AGBL1: variants seen among roughly 807,000 people sequenced by gnomAD.
AGBL1 encodes the protein AGBL carboxypeptidase 1.
AGBL1 carries 130 observed loss-of-function variants against 118.9 expected under a neutral mutation model. The observed-to-expected ratio is 1.09, with a 90% CI of 0.95 to 1.26. The LOEUF (loss-of-function observed/expected upper bound fraction) is 1.26. AGBL1 is among the 50% of genes most tolerant of loss of function. AGBL1 has a pLI of 0.00. For missense variants in AGBL1, 1,584 were observed against 1,298.1 expected (o/e 1.22, Z -3.38); for synonymous variants, 555 against 478.9 (o/e 1.16, Z -2.08).
At chr15:86,261,051 G>A (rs949454655) in intron 9 of AGBL1, among the ~76,000 whole-genome samples, 9 of 152,196 alleles carry the variant, frequency 5.9e-5, no homozygotes, top group African/African-American at 1.9e-4. Flanking sequence ...TCAAATGAAT[G>A]GGTGTGGCTC....
intron 7 of AGBL1, among the ~76,000 whole-genome samples, chr15:86,253,081 A>C (rs76420516): frequency 0.018 from 2,670 of 152,218 alleles, 48 homozygotes; most frequent in East Asian, 0.068. Flanking sequence ...AAAGACCCTC[A>C]GGTGGGGGAG....
chr15:86,641,234 A>G (rs2142468120), intron 21 of AGBL1, among the ~76,000 whole-genome samples: 1 of 152,246 alleles, frequency 6.6e-6, no homozygotes, highest in South Asian at 2.1e-4. Context: ...CTAGTGTACT[A>G]TATTGAACTA....
intron 22 of AGBL1, among the ~76,000 whole-genome samples, chr15:86,723,080 G>C (rs1416815605): frequency 6.6e-6 from 1 of 152,208 alleles, no homozygotes; most frequent in Non-Finnish European, 1.5e-5. Flanking sequence ...TTCAACCATT[G>C]TGGAAGTCAG....
At chr15:86,976,601 C>T (rs1037051713) in intron 23 of AGBL1, among the ~76,000 whole-genome samples, 3 of 151,854 alleles carry the variant, frequency 2.0e-5, no homozygotes, top group Non-Finnish European at 4.4e-5. Flanking sequence ...ATTCATACTG[C>T]CAAATTGTCT....
intron 24 of AGBL1, among the ~76,000 whole-genome samples, chr15:87,010,579 A>G (rs2081548785): frequency 6.6e-6 from 1 of 152,158 alleles, no homozygotes; most frequent in South Asian, 2.1e-4. Flanking sequence ...ACACAACTAC[A>G]GGTTCTCTGG....
At chr15:86,285,458 A>C (rs1488649645) in intron 16 of AGBL1, among the ~76,000 whole-genome samples, 1 of 152,116 alleles carries the variant, frequency 6.6e-6, no homozygotes, top group Non-Finnish European at 1.5e-5. Context: ...TGTTCTCATG[A>C]TAGTGAATAA....
intron 22 of AGBL1, among the ~76,000 whole-genome samples, chr15:86,832,224 G>C (rs957991580): frequency 6.6e-6 from 1 of 152,214 alleles, no homozygotes; most frequent in African/African-American, 2.4e-5. Flanking sequence ...ATGCCCTGGA[G>C]ACATTTTTCC....
chr15:86,564,258 G>T (rs112898364), intron 21 of AGBL1, among the ~76,000 whole-genome samples: 3 of 152,328 alleles, frequency 2.0e-5, no homozygotes, highest in African/African-American at 7.2e-5. Flanking sequence ...CGTTTTTGCA[G>T]TGGCTGGTAC....
At chr15:86,407,233 G>A (rs555262314) in intron 18 of AGBL1, among the ~76,000 whole-genome samples, 5 of 152,188 alleles carry the variant, frequency 3.3e-5, no homozygotes, top group African/African-American at 9.6e-5. Context: ...TTTGCAGACC[G>A]AAAAATGAAA....
Position 86,522,838 on chromosome 15 carries a change from T to G in AGBL1, c.2584T>G (p.Leu862Val). The G allele has an allele frequency of 6.2e-7, 1 of 1,613,850 alleles. No homozygotes were observed. Among genetic ancestry groups the G allele is most frequent in the Non-Finnish European group, 8.5e-7 (1 of 1,179,758 alleles). ...NHRCSLSGED[L>V]NRQWLSPSAH... ...CAGATGCTCACTGAGCGGGGAAGAT[T>G]TGAACAGACAATGGCTTTCTCCCAG... Residue 862 changes from leucine (L) to valine (V), a missense_variant, in exon 19 of 23, where the codon TTG becomes GTG. Transcript: ENST00000614907.
chr15:86,140,070 C>A (rs568626783), intron 1 of AGBL1: 10 of 190,486 alleles, frequency 5.2e-5, no homozygotes, highest in African/African-American at 1.6e-4. Flanking sequence ...GTGGTCAGGT[C>A]TTGGTATTCC....
At chr15:86,585,163 A>T (rs1452067782) in intron 21 of AGBL1, among the ~76,000 whole-genome samples, 2 of 152,060 alleles carry the variant, frequency 1.3e-5, no homozygotes, top group African/African-American at 4.8e-5. Context: ...TCCTTTTTGG[A>T]TGCCTTTTAT....
intron 7 of AGBL1, among the ~76,000 whole-genome samples, chr15:86,251,742 T>A (rs1344044056): frequency 6.6e-6 from 1 of 151,840 alleles, no homozygotes; most frequent in Non-Finnish European, 1.5e-5. Context: ...AAGGGTGCTG[T>A]GTAATGTAGT....
intron 18 of AGBL1, among the ~76,000 whole-genome samples, chr15:86,400,490 G>T (rs1487678789): frequency 2.1e-5 from 3 of 143,380 alleles, no homozygotes; most frequent in Non-Finnish European, 4.6e-5. Context: ...GGGGGAACAG[G>T]TTTTTTTTTT....
chr15:86,385,356 T>C (rs1252630070), intron 17 of AGBL1, among the ~76,000 whole-genome samples: 3 of 152,196 alleles, frequency 2.0e-5, no homozygotes, highest in African/African-American at 4.8e-5. Context: ...AGAGCTTTGC[T>C]CCTTAAAAGT....
intron 20 of AGBL1, among the ~76,000 whole-genome samples, chr15:86,547,939 T>C (rs945372562): frequency 6.6e-6 from 1 of 152,152 alleles, no homozygotes; most frequent in Non-Finnish European, 1.5e-5. Context: ...CCCAAACAGC[T>C]TTGCTTTTTG....
intron 22 of AGBL1, among the ~76,000 whole-genome samples, chr15:86,827,476 T>C (rs373239399): frequency 0.011 from 123 of 11,064 alleles, 26 homozygotes; most frequent in East Asian, 0.1. Context: ...TATACATATA[T>C]ATATATATGT....
At chr15:86,651,889 A>C (rs1030812830) in intron 21 of AGBL1, among the ~76,000 whole-genome samples, 1 of 152,130 alleles carries the variant, frequency 6.6e-6, no homozygotes, top group African/African-American at 2.4e-5. Context: ...CTGTCTCTTG[A>C]GCTGTGGTCC....
Position 86,298,246 on chromosome 15 carries a change from A to AATATATATATATATAT in AGBL1, c.2374+2857_2374+2872dup, listed in dbSNP as rs59968237. ...GTATACAGGGTACGTGTCTGTGTAT[A>AATATATATATATATAT]ATATATATATATATATATATATATA... On this transcript the variant is annotated intron_variant, in intron 17 of 22. Coordinates refer to ENST00000614907, the MANE Select transcript of AGBL1 (RefSeq NM_001386094.1). Among the ~76,000 whole-genome samples the AATATATATATATATAT allele has an allele frequency of 7.2e-3, 504 of 69,556 alleles. 6 individuals are homozygous for AATATATATATATATAT. Among genetic ancestry groups the AATATATATATATATAT allele is most frequent in the African/African-American group, 1.0e-2 (152 of 15,250 alleles). 45.6% of individuals were successfully genotyped at this position (69,556 alleles called of 152,430 possible).
Sources: gnomAD v4.1 joint callset for allele counts (sites outside exome capture counted in the v4.1 genomes callset) on GRCh38, gnomAD v4.1.1 for gene constraint, MANE v1.5 for transcripts, NCBI Gene and HGNC (gene_info 2026-07-23, HGNC 2026-07-21) for gene names.